CYP4F2: variants seen among roughly 807,000 people sequenced by gnomAD.
CYP4F2 encodes cytochrome P450 4F2.
Under a neutral mutation model 58.9 loss-of-function variants are expected in CYP4F2, and 58 were observed. The observed-to-expected ratio is 0.98, with a 90% CI of 0.80 to 1.23. CYP4F2 has a LOEUF of 1.23. Among genes scored for constraint, CYP4F2 ranks in the 50% most tolerant of loss-of-function variants. The pLI is 0.00. For missense variants in CYP4F2, 616 were observed against 685.6 expected (o/e 0.90, Z 1.13); for synonymous variants, 287 against 261.1 (o/e 1.10, Z -0.95).
At chr19:15,890,866 G>T (rs1407156689) in intron 5 of CYP4F2, among the ~76,000 whole-genome samples, 1 of 152,116 alleles carries the variant, frequency 6.6e-6, no homozygotes, top group East Asian at 1.9e-4. Context: ...CATCTACCAT[G>T]GGGCAAAAAT....
intron 8 of CYP4F2, 25 bp downstream of exon 8, chr19:15,886,217 T>C (rs2089378612): frequency 3.1e-6 from 5 of 1,613,966 alleles, no homozygotes; most frequent in Non-Finnish European, 4.2e-6. Flanking sequence ...CGGTCCCCTC[T>C]CTAGCCCCAC....
chr19:15,878,400 C>T lies in CYP4F2; in HGVS notation c.*371G>A, dbSNP rs183781661. On this transcript the variant is annotated 3_prime_UTR_variant, in exon 13 of 13. Transcript: ENST00000221700. ...TATAAAAGGACAGTACACTATGTGA[C>T]CTTTTGCATCTGACGTCTTTCATTC... is the stretch of plus-strand genomic sequence containing the variant. 243 of 220,170 alleles carry T rather than the reference C, an allele frequency of 1.1e-3. 1 individual carries two copies. The highest frequency in any genetic ancestry group is 1.6e-3 in the Middle Eastern group (1 of 620). The allele number at this position is 220,170 out of a possible 1,614,324, so 13.6% of individuals were successfully genotyped here.
In CYP4F2 at chr19:15,879,850, C is replaced by T. The variant is rs753737778; in HGVS notation, c.1163G>A (p.Ser388Asn). The T allele has an allele frequency of 6.2e-7, 1 of 1,614,180 alleles. No individual in the cohort carries two copies. Among genetic ancestry groups the T allele is most frequent in the South Asian group, 1.1e-5 (1 of 91,086 alleles). Residue 388 changes from serine (S) to asparagine (N), a missense_variant, in exon 10 of 13, where the codon AGC becomes AAC. Transcript: ENST00000221700. ...LPFLTMCMKE[S>N]LRLHPPVPVI... ...CGGGACTGGGGGATGCAGCCGCAGG[C>T]TCTCCTTCATGCACATGGTCAGGAA...
chr19:15,897,228 G>A (rs1005270745), intron 2 of CYP4F2, among the ~76,000 whole-genome samples, 186 bp downstream of exon 2: 1 of 152,286 alleles, frequency 6.6e-6, no homozygotes, highest in East Asian at 1.9e-4. Flanking sequence ...GGAGGACAAG[G>A]AAGTGAGAAG....
intron 3 of CYP4F2, among the ~76,000 whole-genome samples, chr19:15,894,410 G>C (rs1227317070): frequency 6.6e-6 from 1 of 152,096 alleles, no homozygotes; most frequent in Non-Finnish European, 1.5e-5. Context: ...GGGGAAAGGT[G>C]GCCTTTCCCA....
intron 9 of CYP4F2, 96 bp downstream of exon 9, chr19:15,885,828 G>A (rs967133709): frequency 3.6e-5 from 54 of 1,519,948 alleles, no homozygotes; most frequent in Non-Finnish European, 4.5e-5. Context: ...GGCAATAGTG[G>A]CAGAATCAAC....
chr19:15,897,889 G>T, intron 1 of CYP4F2, 137 bp downstream of exon 1: 1 of 373,156 alleles, frequency 2.7e-6, no homozygotes, highest in Non-Finnish European at 4.9e-6. Context: ...CTGTGAGGTT[G>T]CCAGGGGCTT....
At chr19:15,889,815 C>A in intron 6 of CYP4F2, 122 bp from the exon 7 acceptor site, 1 of 1,403,946 alleles carries the variant, frequency 7.1e-7, no homozygotes, top group South Asian at 1.3e-5. Flanking sequence ...AACAGATGAC[C>A]CCACAGATAC....
At chr19:15,886,847 TTC>T (rs1240462411) in intron 7 of CYP4F2, among the ~76,000 whole-genome samples, 1 of 152,162 alleles carries the variant, frequency 6.6e-6, no homozygotes, top group Non-Finnish European at 1.5e-5. Flanking sequence ...GTCTCTCTCA[TTC>T]TCTTTCTTGG....
At chr19:15,897,376 C>A in intron 2 of CYP4F2, 38 bp downstream of exon 2, 2 of 1,599,554 alleles carry the variant, frequency 1.3e-6, no homozygotes, top group Non-Finnish European at 1.7e-6. Flanking sequence ...GAAGTCCATC[C>A]ATCCTGAGAC....
At chr19:15,892,691 C>T in intron 3 of CYP4F2, 109 bp from the exon 4 acceptor site, 1 of 1,503,598 alleles carries the variant, frequency 6.7e-7, no homozygotes, top group Non-Finnish European at 9.0e-7. Flanking sequence ...CTCTGAGCCC[C>T]ACATAGCAGG....
At chr19:15,893,893 C>T (rs2089432297) in intron 3 of CYP4F2, 3 of 260,824 alleles carry the variant, frequency 1.2e-5, no homozygotes, top group Non-Finnish European at 2.4e-5. Context: ...TGGAGAAAAA[C>T]ACACAGGACC....
At position 15,878,856 on chromosome 19, in the gene CYP4F2, G is replaced by A. The variant is rs769024259; in HGVS notation, c.1478C>T (p.Pro493Leu). Residue 493 changes from proline to leucine, a missense_variant, in exon 13 of 13, where the codon CCT (proline) becomes CTT (leucine). By Grantham distance (98) the Pro-to-Leu change is moderately conservative. Transcript: ENST00000221700. ...CTTCCTGCGGGGCTCGGTGTGGTCA[G>A]GCAGGACGCGGAAGCGCAGCAGCGT... is the stretch of plus-strand genomic sequence containing the variant. ...ALTLLRFRVLPDHTEPRRKPE... is the reference protein window; with the variant it reads ...ALTLLRFRVLLDHTEPRRKPE... The A allele has an allele frequency of 1.9e-6, 3 of 1,614,074 alleles. No individual in the cohort carries two copies. The highest frequency in any genetic ancestry group is 2.2e-5 in the South Asian group (2 of 91,068).
At chr19:15,888,528 A>C (rs2089396609) in intron 7 of CYP4F2, among the ~76,000 whole-genome samples, 1 of 152,118 alleles carries the variant, frequency 6.6e-6, no homozygotes, top group Non-Finnish European at 1.5e-5. Flanking sequence ...ACAGACACAC[A>C]CGCACATAGA....
At position 15,886,263 on chromosome 19, in the gene CYP4F2, C is replaced by A. The variant is rs1398935141; in HGVS notation, c.964G>T (p.Ala322Ser). 10 of 1,614,122 alleles carry A rather than the reference C, an allele frequency of 6.2e-6. No individual in the cohort carries two copies. The highest frequency in any genetic ancestry group is 7.6e-6 in the Non-Finnish European group (9 of 1,180,018). ...KLSDEDIRAE[A>S]DTFMFEGHDT... ...TCACCCTCAAACATAAAGGTGTCAG[C>A]TTCTGCTCTTATGTCCTCATCAGAT... The change falls in exon 8 of 13, where the codon GCT (alanine) becomes TCT (serine). Residue 322 changes from alanine to serine, a missense_variant. Coordinates refer to ENST00000221700, the MANE Select transcript of CYP4F2 (RefSeq NM_001082.5).
At chr19:15,889,833 G>T in intron 6 of CYP4F2, 140 bp from the exon 7 acceptor site, 1 of 1,309,986 alleles carries the variant, frequency 7.6e-7, no homozygotes, top group Non-Finnish European at 1.1e-6. Flanking sequence ...TACAGGGTGG[G>T]GATCAGCATG....
rs115807260 is a variant in CYP4F2, at chr19:15,887,867, C to T, written c.918+1556G>A. 3.4e-3 allele frequency among the ~76,000 whole-genome samples: 516 copies of T among 151,664 alleles called. 2 individuals are homozygous for T. The highest frequency in any genetic ancestry group is 0.012 in the African/African-American group (493 of 41,308). On this transcript the variant is annotated intron_variant, in intron 7 of 12. Transcript: ENST00000221700. ...AGACATAGACACAGACACACGCACA[C>T]ATAGACTAAGTCACAGACTTAGAAA...
intron 3 of CYP4F2, among the ~76,000 whole-genome samples, chr19:15,893,535 C>G (rs1435610137): frequency 1.3e-5 from 2 of 152,196 alleles, no homozygotes; most frequent in African/African-American, 4.8e-5. Context: ...CAAGGCAGAC[C>G]TGGCCATATA....
chr19:15,885,902 G>T (rs1345841863), intron 9 of CYP4F2, 22 bp downstream of exon 9: 1 of 1,608,338 alleles, frequency 6.2e-7, no homozygotes, highest in African/African-American at 1.3e-5. Flanking sequence ...CTCAGGAAGA[G>T]GCCACAAGCA....
Sources: allele counts gnomAD v4.1 joint callset (sites outside exome capture counted in the v4.1 genomes callset), GRCh38; gene constraint gnomAD v4.1.1; transcripts MANE v1.5; gene names NCBI Gene and HGNC (gene_info 2026-07-23, HGNC 2026-07-21).